Variants in TRIM45 observed in about 807,000 individuals in gnomAD.
TRIM45 encodes the protein E3 ubiquitin-protein ligase TRIM45.
In TRIM45, 45 loss-of-function variants were observed where a neutral mutation model predicts 46.7. That is an observed-to-expected ratio of 0.96 (90% CI 0.76 to 1.24). The LOEUF (loss-of-function observed/expected upper bound fraction) is 1.24, where lower values mean the gene tolerates loss of function less well. TRIM45 is among the 50% of genes most tolerant of loss of function. The pLI is 0.00. For missense variants in TRIM45, 680 were observed against 728.4 expected, an observed-to-expected ratio of 0.93 and a Z score of 0.77; for synonymous variants, 259 against 285.8, an observed-to-expected ratio of 0.91 and a Z score of 0.94.
Position 117,118,573 on chromosome 1 carries a change from CTGG to C in TRIM45, c.680_682del (p.Thr227del). The C allele has an allele frequency of 6.2e-7, 1 of 1,614,186 alleles. No individual in the cohort carries two copies. The highest frequency in any genetic ancestry group is 8.5e-7 in the Non-Finnish European group (1 of 1,180,034). ...GTCCCCATGCTTGTGGATGACATTG[CTGG>C]TGAAGTCACAGGGGTGTTCCCGATG... On this transcript the variant is annotated inframe_deletion, in exon 2 of 6. Coordinates refer to ENST00000256649, the MANE Select transcript of TRIM45 (RefSeq NM_025188.4). This position sits in a 1 kb window ranked among gnomAD's most constrained non-coding sequence, Gnocchi z 5.7.
Position 117,118,119 on chromosome 1 carries a change from T to G in TRIM45, c.1137A>C (p.Lys379Asn). Residue 379 changes from lysine to asparagine, a missense_variant, in exon 2 of 6, where the codon AAA becomes AAC. This residue lies in a region of TRIM45 where 322 missense variants were observed against 359.3 expected (regional missense o/e 0.90). Coordinates refer to ENST00000256649, the MANE Select transcript of TRIM45 (RefSeq NM_025188.4). The surrounding 1 kb of genome is among the most constrained non-coding windows in gnomAD (Gnocchi z 5.7). ...NDKIRFCPQE[K>N]AGQCRGYEIY... is the part of the protein sequence containing the mutation. ...TTTCATAGCCACGGCACTGGCCTGC[T>G]TTCTCCTGAGGACAGAAGCGTATCT... The G allele has an allele frequency of 6.2e-7, 1 of 1,614,230 alleles. No individual in the cohort carries two copies. The highest frequency in any genetic ancestry group is 8.5e-7 in the Non-Finnish European group (1 of 1,180,032).
rs146244405 is a variant in TRIM45, at chr1:117,118,241, A to G, written c.1015T>C (p.Ser339Pro). The G allele has an allele frequency of 1.0e-4, 162 of 1,614,042 alleles. No homozygotes were observed. Among genetic ancestry groups the G allele is most frequent in the African/African-American group, 9.6e-4 (72 of 74,986 alleles). Residue 339 changes from serine to proline, a missense_variant, in exon 2 of 6, where the codon TCA (serine) becomes CCA (proline). Around this residue, in one of 3 missense-constraint regions of TRIM45, gnomAD observed 322 missense variants for 359.3 expected, o/e 0.90. Coordinates refer to ENST00000256649, the MANE Select transcript of TRIM45 (RefSeq NM_025188.4). This position sits in a 1 kb window ranked among gnomAD's most constrained non-coding sequence, Gnocchi z 5.7. ...EFTEHLLTSG[S>P]DLEILITKRV... The stretch of plus-strand genomic sequence containing the variant: ...TTGGTGATGAGGATCTCCAAGTCTG[A>G]GCCGCTGGTCAGCAAGTGCTCGGTG...
Position 117,113,359 on chromosome 1 carries a change from C to CTGG in TRIM45, c.1591_1593dup (p.Pro531dup). ...CCAGAGGGTAGTGCTTTCTCCTTAC[C>CTGG]TGGCATGGTGCCTCCACAGGCGCAG... On this transcript the variant is annotated inframe_insertion and splice_region_variant, in exon 5 of 6. Transcript: ENST00000256649. This position sits in a 1 kb window ranked among gnomAD's most constrained non-coding sequence, Gnocchi z 4.0. The CTGG allele has an allele frequency of 6.2e-7, 1 of 1,612,020 alleles. No homozygotes were observed. The highest frequency in any genetic ancestry group is 8.5e-7 in the Non-Finnish European group (1 of 1,179,844).
chr1:117,114,595 A>G (rs1458491743), intron 4 of TRIM45, among the ~76,000 whole-genome samples: 1 of 152,256 alleles, frequency 6.6e-6, no homozygotes, highest in Non-Finnish European at 1.5e-5. Flanking sequence ...AGAGTTTACA[A>G]TCCAGTTAAA....
At position 117,117,838 on chromosome 1, in the gene TRIM45, C is replaced by G. The variant is rs1650460900; in HGVS notation, c.1222+196G>C. Among the ~76,000 whole-genome samples, 1 of 152,204 alleles carries G rather than the reference C, an allele frequency of 6.6e-6. No homozygotes were observed. Among genetic ancestry groups the G allele is most frequent in the African/African-American group, 2.4e-5 (1 of 41,458 alleles). ...ACTGGAAAAGGGTCAAGCCTCACTC[C>G]TGTATTAACTGTACCCTAGCCAGAA... On this transcript the variant is annotated intron_variant, in intron 2 of 5. Coordinates refer to ENST00000256649, the MANE Select transcript of TRIM45 (RefSeq NM_025188.4). The surrounding 1 kb of genome is among the most constrained non-coding windows in gnomAD (Gnocchi z 4.9).
rs550041812 is a variant in TRIM45, at chr1:117,117,113, G to A, written c.1223-368C>T. Among the ~76,000 whole-genome samples the A allele has an allele frequency of 5.9e-5, 9 of 152,256 alleles. No individual in the cohort carries two copies. Among genetic ancestry groups the A allele is most frequent in the African/African-American group, 2.2e-4 (9 of 41,536 alleles). On this transcript the variant is annotated intron_variant, in intron 2 of 5. Transcript: ENST00000256649. This position sits in a 1 kb window ranked among gnomAD's most constrained non-coding sequence, Gnocchi z 4.9. The stretch of plus-strand genomic sequence containing the variant: ...CCCTCCCTAAGCTCCAGATCCTGCT[G>A]GGCTAGGCAGGGAGTACAGCTGACC...
rs760238754 is a variant in TRIM45, at chr1:117,115,710, A to G, written c.1353-21T>C. On this transcript the variant is annotated intron_variant, in intron 3 of 5. Coordinates refer to ENST00000256649, the MANE Select transcript of TRIM45 (RefSeq NM_025188.4). This position sits in a 1 kb window ranked among gnomAD's most constrained non-coding sequence, Gnocchi z 4.2. ...CTGGGCTGAATGGAGATAAGAGTCAAAACACCACTCACTTCCACAAGCTGG... is the reference window on the plus strand; with the variant it reads ...CTGGGCTGAATGGAGATAAGAGTCAGAACACCACTCACTTCCACAAGCTGG... 2 of 1,545,852 alleles carry G rather than the reference A, an allele frequency of 1.3e-6. No individual in the cohort carries two copies. Among genetic ancestry groups the G allele is most frequent in the South Asian group, 2.2e-5 (2 of 89,560 alleles).
rs573628279 is a variant in TRIM45, at chr1:117,116,000, T to G, written c.1353-311A>C. 6.6e-6 allele frequency among the ~76,000 whole-genome samples: 1 copy of G among 152,204 alleles called. No homozygotes were observed. The highest frequency in any genetic ancestry group is 2.4e-5 in the African/African-American group (1 of 41,524). ...CAATTCCAGAGAAATATAAACATGC[T>G]CCAGGCATAATTTAGTACCAAAGGG... On this transcript the variant is annotated intron_variant, in intron 3 of 5. Coordinates refer to ENST00000256649, the MANE Select transcript of TRIM45 (RefSeq NM_025188.4). This position sits in a 1 kb window ranked among gnomAD's most constrained non-coding sequence, Gnocchi z 4.2.
At position 117,118,890 on chromosome 1, in the gene TRIM45, TA is replaced by T; in HGVS notation, c.489-124del. 7.8e-7 allele frequency: 1 copy of T among 1,274,714 alleles called. No individual in the cohort carries two copies. The highest frequency in any genetic ancestry group is 2.8e-4 in the Middle Eastern group (1 of 3,534). 79.0% of individuals were successfully genotyped at this position (1,274,714 alleles called of 1,614,324 possible). A position where few individuals can be genotyped will look rare whatever the true frequency, so the allele number is the denominator to read the frequency against. On this transcript the variant is annotated intron_variant, in intron 1 of 5. Transcript: ENST00000256649. The surrounding 1 kb of genome is among the most constrained non-coding windows in gnomAD (Gnocchi z 5.7). ...CAAACCTGATTTCAATTCCTTGCTC[TA>T]ATCTCTAATTGCATGAACCTCTCTG...
chr1:117,116,559 A>G lies in TRIM45; in HGVS notation c.1352+57T>C, dbSNP rs939378700. On this transcript the variant is annotated intron_variant, in intron 3 of 5. Transcript: ENST00000256649. The surrounding 1 kb of genome is among the most constrained non-coding windows in gnomAD (Gnocchi z 4.6). Reference sequence around the variant, plus strand: ...CAGCTCCAATATCTTAAAGGACCTCATGTTTCCAGTTTTCTCACTGCCTGT... The same window carrying G: ...CAGCTCCAATATCTTAAAGGACCTCGTGTTTCCAGTTTTCTCACTGCCTGT... 21 of 1,599,468 alleles carry G rather than the reference A, an allele frequency of 1.3e-5. No individual in the cohort carries two copies. The highest frequency in any genetic ancestry group is 1.7e-5 in the Non-Finnish European group (20 of 1,172,036).
upstream of TRIM45, chr1:117,121,985 C>G: frequency 1.7e-6 from 1 of 605,304 alleles, no homozygotes; most frequent in South Asian, 2.0e-5. The surrounding 1 kb of genome is among the most constrained non-coding windows in gnomAD (Gnocchi z 4.2). Flanking sequence ...AAGGCCAAGG[C>G]TCGGAGCGAG....
At chr1:117,114,776 A>G (rs1474083988) in intron 4 of TRIM45, among the ~76,000 whole-genome samples, 1 of 152,258 alleles carries the variant, frequency 6.6e-6, no homozygotes, top group Non-Finnish European at 1.5e-5. Context: ...TGTTCCTGAC[A>G]TACCATAATT....
rs1650380610 is a variant in TRIM45 at position 117,115,879 on chromosome 1, G to C, written c.1353-190C>G. 6.6e-6 allele frequency among the ~76,000 whole-genome samples: 1 copy of C among 152,184 alleles called. No individual in the cohort carries two copies. The highest frequency in any genetic ancestry group is 2.1e-4 in the South Asian group (1 of 4,832). ...GGTAAACAGCATAAATTCCAATTTAGTCTGATATTCAGACAAATTCCTTGA... is the reference window on the plus strand; with the variant it reads ...GGTAAACAGCATAAATTCCAATTTACTCTGATATTCAGACAAATTCCTTGA... On this transcript the variant is annotated intron_variant, in intron 3 of 5. Coordinates refer to ENST00000256649, the MANE Select transcript of TRIM45 (RefSeq NM_025188.4). This position sits in a 1 kb window ranked among gnomAD's most constrained non-coding sequence, Gnocchi z 4.2.
chr1:117,121,810 G>A (rs932110002), upstream of TRIM45: 1 of 710,710 alleles, frequency 1.4e-6, no homozygotes, highest in Non-Finnish European at 2.6e-6. The surrounding 1 kb of genome is among the most constrained non-coding windows in gnomAD (Gnocchi z 4.2). Context: ...GTCCGAGAGC[G>A]GCGGCCCTCG....
At position 117,113,673 on chromosome 1, in the gene TRIM45, G is replaced by A. The variant is rs1650303517; in HGVS notation, c.1468-188C>T. The stretch of plus-strand genomic sequence containing the variant: ...GAGAGGAGGCAGACACAGATGCAGT[G>A]GAAGCATCACAGGGTCTATGCAGCC... On this transcript the variant is annotated intron_variant, in intron 4 of 5. Transcript: ENST00000256649. The surrounding 1 kb of genome is among the most constrained non-coding windows in gnomAD (Gnocchi z 4.0). 6.6e-6 allele frequency among the ~76,000 whole-genome samples: 1 copy of A among 152,196 alleles called. No homozygotes were observed. Among genetic ancestry groups the A allele is most frequent in the Admixed American group, 6.5e-5 (1 of 15,278 alleles).
At position 117,120,862 on chromosome 1, in the gene TRIM45, C is replaced by T. The variant is rs760849297; in HGVS notation, c.340G>A (p.Asp114Asn). 6.2e-7 allele frequency: 1 copy of T among 1,614,216 alleles called. No homozygotes were observed. Among genetic ancestry groups the T allele is most frequent in the Non-Finnish European group, 8.5e-7 (1 of 1,180,030 alleles). Residue 114 changes from aspartate to asparagine, a missense_variant, in exon 1 of 6, where the codon GAC becomes AAC. Coordinates refer to ENST00000256649, the MANE Select transcript of TRIM45 (RefSeq NM_025188.4). ...ATCACATCATTCACGGCCAGGTGGT[C>T]TATGGTTAAAGCCTTCACTCCACCC... ...PMGGVKALTI[D>N]HLAVNDVMLE...
At position 117,113,414 on chromosome 1, in the gene TRIM45, G is replaced by C; in HGVS notation, c.1539C>G (p.Phe513Leu). The change falls in exon 5 of 6, where the codon TTC (phenylalanine) becomes TTG (leucine). Residue 513 changes from phenylalanine to leucine, a missense_variant. By Grantham distance (22) the Phe-to-Leu change is conservative (BLOSUM62 0). Coordinates refer to ENST00000256649, the MANE Select transcript of TRIM45 (RefSeq NM_025188.4). The surrounding 1 kb of genome is among the most constrained non-coding windows in gnomAD (Gnocchi z 4.0). ...CGGTTTTCTGGCCCCCGCTGGAGCAGAAGGTGCAGCAGTGAAACACGCCTG... is the reference window on the plus strand; with the variant it reads ...CGGTTTTCTGGCCCCCGCTGGAGCACAAGGTGCAGCAGTGAAACACGCCTG... ...PHSGVFHCCTFCSSGGQKTAR... is the reference protein window; with the variant it reads ...PHSGVFHCCTLCSSGGQKTAR... The C allele has an allele frequency of 1.2e-6, 2 of 1,612,494 alleles. No homozygotes were observed. The highest frequency in any genetic ancestry group is 1.7e-6 in the Non-Finnish European group (2 of 1,179,960).
At chr1:117,119,281 T>C (rs1340096848) in intron 1 of TRIM45, among the ~76,000 whole-genome samples, 3 of 152,218 alleles carry the variant, frequency 2.0e-5, no homozygotes, top group Non-Finnish European at 2.9e-5. Flanking sequence ...GGCTAGAATT[T>C]TTTTCAAGAG....
rs1650476598 is a variant in TRIM45, at chr1:117,118,239, TGA to T, written c.1015_1016del (p.Ser339ArgfsTer24). 1 of 1,614,104 alleles carries T rather than the reference TGA, an allele frequency of 6.2e-7. No individual in the cohort carries two copies. The highest frequency in any genetic ancestry group is 8.5e-7 in the Non-Finnish European group (1 of 1,180,038). On this transcript the variant is annotated frameshift_variant, in exon 2 of 6. Coordinates refer to ENST00000256649, the MANE Select transcript of TRIM45 (RefSeq NM_025188.4). LOFTEE classifies it high-confidence loss of function. This position sits in a 1 kb window ranked among gnomAD's most constrained non-coding sequence, Gnocchi z 5.7. ...EFTEHLLTSG[S>X]DLEILITKRV... ...TCTTGGTGATGAGGATCTCCAAGTC[TGA>T]GCCGCTGGTCAGCAAGTGCTCGGTG...
Sources: allele counts gnomAD v4.1 joint callset (sites outside exome capture counted in the v4.1 genomes callset), GRCh38; gene constraint gnomAD v4.1.1; regional missense constraint gnomAD v4.1.1; non-coding constraint Gnocchi (gnomAD v3.1); transcripts MANE v1.5; gene names NCBI Gene and HGNC (gene_info 2026-07-23, HGNC 2026-07-21).